Variants in GABRA3 observed in about 807,000 individuals in gnomAD.
GABRA3 encodes gamma-aminobutyric acid type A receptor subunit alpha3.
Under a neutral mutation model 30.1 loss-of-function variants are expected in GABRA3, and 10 were observed. That is an observed-to-expected ratio of 0.33 (90% confidence interval 0.20 to 0.56). The LOEUF (loss-of-function observed/expected upper bound fraction) is 0.56, where lower values mean the gene tolerates loss of function less well. Ranked by LOEUF, GABRA3 falls within the 20% of genes least tolerant of loss-of-function variation. The pLI is 0.89. For synonymous variants in GABRA3, 151 were observed against 146.8 expected (o/e 1.03, Z -0.21); for missense variants, 233 against 392.0 (o/e 0.59, Z 3.42).
intron 5 of GABRA3, among the ~76,000 whole-genome samples, chrX:152,225,250 T>G (rs771941241): frequency 9.0e-6 from 1 of 110,629 alleles, no homozygotes; most frequent in South Asian, 3.8e-4. Flanking sequence ...ATTTAAAGAT[T>G]GCACTGAAGA....
chrX:152,435,279 T>C (rs1930749148), intron 1 of GABRA3, among the ~76,000 whole-genome samples: 1 of 111,093 alleles, frequency 9.0e-6, no homozygotes, highest in Non-Finnish European at 1.9e-5. Context: ...CACTCTACTA[T>C]AAAGGTGCAT....
At chrX:152,439,618 T>C (rs188076344) in intron 1 of GABRA3, among the ~76,000 whole-genome samples, 104 of 111,616 alleles carry the variant, frequency 9.3e-4, no homozygotes, top group African/African-American at 3.2e-3. Context: ...TTACCTAGCA[T>C]AAATAAAAAT....
intron 4 of GABRA3, among the ~76,000 whole-genome samples, chrX:152,263,569 C>T (rs1388911016): frequency 9.1e-6 from 1 of 110,400 alleles, no homozygotes; most frequent in Non-Finnish European, 1.9e-5. Context: ...ATGAAGCATG[C>T]TTTCAAGAAC....
intron 1 of GABRA3, among the ~76,000 whole-genome samples, chrX:152,373,840 A>T (rs1928912536): frequency 1.1e-5 from 1 of 94,614 alleles, no homozygotes. Flanking sequence ...AAGTGTCCTC[A>T]TTGTTCAATT....
intron 3 of GABRA3, among the ~76,000 whole-genome samples, chrX:152,324,162 A>G (rs1940015010): frequency 8.9e-6 from 1 of 112,242 alleles, no homozygotes; most frequent in Admixed American, 9.5e-5. Context: ...AATTATCCCA[A>G]TGCCAAAAAG....
At chrX:152,362,565 A>G (rs1928538740) in intron 2 of GABRA3, among the ~76,000 whole-genome samples, 1 of 111,898 alleles carries the variant, frequency 8.9e-6, no homozygotes, top group African/African-American at 3.3e-5. Context: ...TCAAACATGC[A>G]TTACAGAAAA....
intron 3 of GABRA3, among the ~76,000 whole-genome samples, chrX:152,332,142 C>A (rs1000718266): frequency 3.6e-5 from 4 of 112,074 alleles, no homozygotes; most frequent in Non-Finnish European, 5.6e-5. Flanking sequence ...TTCTTAAACA[C>A]AAGATCACAT....
Position 152,210,964 on chromosome X carries a change from C to T in GABRA3, c.635-2820G>A, listed in dbSNP as rs180967372. On this transcript the variant is annotated intron_variant, in intron 6 of 9. Transcript: ENST00000370314. ...TATGAGGCAGTCATAACACGGTCTG[C>T]GAAATGTGATTTCACAAGACCCTTG... 3.5e-3 allele frequency among the ~76,000 whole-genome samples: 386 copies of T among 111,347 alleles called. 1 individual carries two copies. Among genetic ancestry groups the T allele is most frequent in the African/African-American group, 0.012 (371 of 30,644 alleles).
At chrX:152,409,006 G>A (rs998066971) in intron 1 of GABRA3, among the ~76,000 whole-genome samples, 4 of 111,485 alleles carry the variant, frequency 3.6e-5, no homozygotes, top group African/African-American at 9.8e-5. Flanking sequence ...TGAGAAAACT[G>A]GATATCCAAT....
chrX:152,408,523 A>G (rs1929990842), intron 1 of GABRA3, among the ~76,000 whole-genome samples: 1 of 111,716 alleles, frequency 9.0e-6, no homozygotes, highest in South Asian at 3.7e-4. Flanking sequence ...AAAATGAAAG[A>G]TATCTACAAT....
intron 1 of GABRA3, among the ~76,000 whole-genome samples, chrX:152,410,941 T>C (rs1193725642): frequency 1.8e-5 from 2 of 111,692 alleles, no homozygotes; most frequent in African/African-American, 6.5e-5. Flanking sequence ...AAGAAAACCA[T>C]GAGCAAAGAC....
At chrX:152,296,655 G>A (rs1205769372) in intron 3 of GABRA3, among the ~76,000 whole-genome samples, 1 of 110,362 alleles carries the variant, frequency 9.1e-6, no homozygotes, top group Non-Finnish European at 1.9e-5. Flanking sequence ...CTAGTACCTG[G>A]AATGTGCAGC....
chrX:152,399,722 T>C lies in GABRA3; in HGVS notation c.-26-35126A>G, dbSNP rs545053017. Among the ~76,000 whole-genome samples the C allele has an allele frequency of 4.8e-4, 54 of 111,874 alleles. 2 individuals are homozygous for C. The South Asian group carries it at 0.018, about 36-fold the overall frequency. The stretch of plus-strand genomic sequence containing the variant: ...TTCTGATTGCTAGATACAGATTGGA[T>C]TTAAAAAGACTAAACTAGAATCAAG... On this transcript the variant is annotated intron_variant, in intron 1 of 9. Transcript: ENST00000370314.
intron 1 of GABRA3, among the ~76,000 whole-genome samples, chrX:152,448,706 T>C (rs1444076486): frequency 3.6e-5 from 4 of 111,961 alleles, no homozygotes; most frequent in African/African-American, 9.7e-5. Flanking sequence ...ACTACCACTA[T>C]TTCAAATGTG....
intron 2 of GABRA3, among the ~76,000 whole-genome samples, chrX:152,354,275 T>C (rs1940518685): frequency 9.0e-6 from 1 of 111,579 alleles, no homozygotes; most frequent in Non-Finnish European, 1.9e-5. Flanking sequence ...TTACCTGACC[T>C]CTCTCTGTCT....
At chrX:152,177,751 T>C (rs1284784708) in intron 9 of GABRA3, among the ~76,000 whole-genome samples, 1 of 111,458 alleles carries the variant, frequency 9.0e-6, no homozygotes, top group East Asian at 2.8e-4. Flanking sequence ...AGTCATCCAA[T>C]TGAAAAACAA....
chrX:152,202,022 T>G (rs1937490732), intron 7 of GABRA3, among the ~76,000 whole-genome samples: 1 of 112,436 alleles, frequency 8.9e-6, no homozygotes, highest in African/African-American at 3.2e-5. Flanking sequence ...ATTAATGTAA[T>G]AATTCGCCAA....
chrX:152,176,263 G>A (rs1603197410), intron 9 of GABRA3, among the ~76,000 whole-genome samples: 1 of 110,375 alleles, frequency 9.1e-6, no homozygotes, highest in Non-Finnish European at 1.9e-5. Flanking sequence ...AAATGTAGTG[G>A]GAAGCCATTA....
At chrX:152,356,252 T>C (rs1004845973) in intron 2 of GABRA3, among the ~76,000 whole-genome samples, 1 of 112,225 alleles carries the variant, frequency 8.9e-6, no homozygotes, top group African/African-American at 3.2e-5. Flanking sequence ...AAATACTGAA[T>C]GTTGAGAACT....
Sources: gnomAD v4.1 joint callset for allele counts (sites outside exome capture counted in the v4.1 genomes callset) on GRCh38, gnomAD v4.1.1 for gene constraint, MANE v1.5 for transcripts, NCBI Gene and HGNC (gene_info 2026-07-23, HGNC 2026-07-21) for gene names.